Variants in RAI14 observed in about 807,000 individuals in gnomAD.
RAI14 encodes retinoic acid induced 14, also known as ankycorbin.
A neutral mutation model predicts 115.4 loss-of-function variants in RAI14; 45 were observed. The observed-to-expected ratio is 0.39, with a 90% confidence interval of 0.31 to 0.50. The LOEUF (loss-of-function observed/expected upper bound fraction) is 0.50, where lower values mean the gene tolerates loss of function less well. Among genes scored for constraint, RAI14 ranks in the 20% least tolerant of loss-of-function variants. The pLI is 0.85. For missense variants in RAI14, 939 were observed against 1,131.2 expected, an observed-to-expected ratio of 0.83 and a Z score of 2.44; for synonymous variants, 371 against 415.4, an observed-to-expected ratio of 0.89 and a Z score of 1.30.
At chr5:34,687,464 C>A in intron 2 of RAI14, 1 of 997,794 alleles carries the variant, frequency 1.0e-6, no homozygotes, top group Non-Finnish European at 1.3e-6. Context: ...GGGACTCGTA[C>A]TCATTTGTTA....
intron 3 of RAI14, among the ~76,000 whole-genome samples, chr5:34,775,866 C>A (rs186365124): frequency 6.6e-6 from 1 of 152,114 alleles, no homozygotes; most frequent in African/African-American, 2.4e-5. Context: ...TTGGAGGTTC[C>A]TCAAAAAACT....
chr5:34,782,005 T>TG (rs914698894), intron 3 of RAI14, among the ~76,000 whole-genome samples: 3 of 152,170 alleles, frequency 2.0e-5, no homozygotes, highest in African/African-American at 7.2e-5. Flanking sequence ...AATAAAGGGA[T>TG]GGGTCTGGGT....
chr5:34,785,302 G>C (rs1451419615), intron 3 of RAI14, among the ~76,000 whole-genome samples: 1 of 151,976 alleles, frequency 6.6e-6, no homozygotes, highest in Non-Finnish European at 1.5e-5. Flanking sequence ...TGCTTGAAGT[G>C]GTTCCTTCAA....
chr5:34,685,689 T>C (rs886559075), intron 1 of RAI14: 3 of 152,132 alleles, frequency 2.0e-5, no homozygotes, highest in Admixed American at 6.5e-5. Context: ...TCTAAACTTG[T>C]CTGAGGCTCT....
chr5:34,824,349 A>C lies in RAI14; in HGVS notation c.2507A>C (p.Glu836Ala), dbSNP rs1757222896. ...GTCTCACAGGTGAAAAGAGAAAAGG[A>C]AAATATTCAGACTCTCTTGAAATCC... Reference protein sequence around the residue: ...SEVSQVKREKENIQTLLKSKE... With the variant: ...SEVSQVKREKANIQTLLKSKE... The change falls in exon 15 of 18, where the codon GAA (glutamate) becomes GCA (alanine). Residue 836 changes from glutamate (E) to alanine (A), a missense_variant. Coordinates refer to ENST00000265109, the MANE Select transcript of RAI14 (RefSeq NM_015577.3). The C allele has an allele frequency of 6.2e-7, 1 of 1,613,768 alleles. No homozygotes were observed. The highest frequency in any genetic ancestry group is 1.3e-5 in the African/African-American group (1 of 74,942).
intron 2 of RAI14, among the ~76,000 whole-genome samples, chr5:34,719,788 T>A (rs1275761598): frequency 6.6e-6 from 1 of 152,144 alleles, no homozygotes; most frequent in Non-Finnish European, 1.5e-5. Flanking sequence ...ATATGCTAGG[T>A]GGTAATATCA....
intron 2 of RAI14, among the ~76,000 whole-genome samples, chr5:34,690,926 A>G (rs1489899554): frequency 6.6e-6 from 1 of 152,216 alleles, no homozygotes; most frequent in Admixed American, 6.5e-5. Flanking sequence ...AAAAAAACAT[A>G]TAGGAAATAA....
intron 2 of RAI14, among the ~76,000 whole-genome samples, chr5:34,746,192 G>A (rs1158304224): frequency 6.9e-6 from 1 of 144,764 alleles, no homozygotes; most frequent in African/African-American, 2.6e-5. Flanking sequence ...TGCAAGCTCC[G>A]CCTCCCGGGT....
chr5:34,734,220 G>T lies in RAI14; in HGVS notation c.37-23248G>T, dbSNP rs566809878. 3.2e-4 allele frequency among the ~76,000 whole-genome samples: 49 copies of T among 152,304 alleles called. 1 individual carries two copies. Among genetic ancestry groups the T allele is most frequent in the South Asian group, 2.5e-3 (12 of 4,832 alleles). ...ATTCCGTTGATGACCCCACCAGTTG[G>T]TGGGCAGGGGGTGGGGTCAGTGAAC... On this transcript the variant is annotated intron_variant, in intron 2 of 17. Coordinates refer to ENST00000265109, the MANE Select transcript of RAI14 (RefSeq NM_015577.3).
chr5:34,746,955 G>A (rs561660812), intron 2 of RAI14, among the ~76,000 whole-genome samples: 4 of 152,216 alleles, frequency 2.6e-5, no homozygotes, highest in African/African-American at 7.2e-5. Flanking sequence ...AGGGATTTCT[G>A]CTTTTGCTTC....
intron 2 of RAI14, among the ~76,000 whole-genome samples, chr5:34,722,282 G>A (rs571547861): frequency 6.7e-6 from 1 of 148,870 alleles, no homozygotes; most frequent in East Asian, 2.0e-4. Flanking sequence ...CCTTATACAA[G>A]GAGAAAATTT....
chr5:34,775,538 G>A (rs1750728411), intron 3 of RAI14, among the ~76,000 whole-genome samples: 1 of 152,196 alleles, frequency 6.6e-6, no homozygotes. Context: ...TTCAAGACCA[G>A]CCTGGGCAAC....
At chr5:34,721,149 TC>T (rs1460307327) in intron 2 of RAI14, among the ~76,000 whole-genome samples, 1 of 152,018 alleles carries the variant, frequency 6.6e-6, no homozygotes, top group Non-Finnish European at 1.5e-5. Context: ...TGCCTTTTTT[TC>T]CTTCCCTGTC....
chr5:34,724,799 A>G (rs1743238011), intron 2 of RAI14, among the ~76,000 whole-genome samples: 1 of 152,184 alleles, frequency 6.6e-6, no homozygotes, highest in South Asian at 2.1e-4. Context: ...CTTGAAAGTA[A>G]ATCTAGGACT....
At chr5:34,783,992 G>T (rs992278446) in intron 3 of RAI14, among the ~76,000 whole-genome samples, 6 of 152,198 alleles carry the variant, frequency 3.9e-5, no homozygotes, top group African/African-American at 1.4e-4. Flanking sequence ...CCCAAATGAG[G>T]GAACATGTGT....
At chr5:34,695,044 G>T (rs896586717) in intron 2 of RAI14, among the ~76,000 whole-genome samples, 2 of 152,070 alleles carry the variant, frequency 1.3e-5, no homozygotes, top group African/African-American at 4.8e-5. Context: ...GATCACAGGC[G>T]TGTGCCACCA....
At chr5:34,710,178 T>C (rs538524598) in intron 2 of RAI14, among the ~76,000 whole-genome samples, 1 of 152,336 alleles carries the variant, frequency 6.6e-6, no homozygotes, top group Non-Finnish European at 1.5e-5. Context: ...TTCTTGGGTC[T>C]GGAGGCGAGA....
intron 5 of RAI14, among the ~76,000 whole-genome samples, chr5:34,806,264 A>G (rs1754881668): frequency 6.6e-6 from 1 of 152,198 alleles, no homozygotes; most frequent in Non-Finnish European, 1.5e-5. Context: ...GGGGCAGAGC[A>G]AGTAAGGAGG....
At chr5:34,761,025 T>C (rs954590386) in intron 3 of RAI14, among the ~76,000 whole-genome samples, 9 of 152,368 alleles carry the variant, frequency 5.9e-5, no homozygotes, top group African/African-American at 1.9e-4. Flanking sequence ...TCACTTAGCA[T>C]AATGTTTTCA....
Sources: gnomAD v4.1 joint callset for allele counts (sites outside exome capture counted in the v4.1 genomes callset) on GRCh38, gnomAD v4.1.1 for gene constraint, MANE v1.5 for transcripts, NCBI Gene and HGNC (gene_info 2026-07-23, HGNC 2026-07-21) for gene names.